RIMS2: variants seen among roughly 807,000 people sequenced by gnomAD.
RIMS2 encodes regulating synaptic membrane exocytosis protein 2.
RIMS2 carries 59 observed loss-of-function variants against 174.4 expected under a neutral mutation model. The observed-to-expected ratio is 0.34, with a 90% CI of 0.27 to 0.42. The LOEUF is 0.42. Ranked by LOEUF, RIMS2 falls within the 10% of genes least tolerant of loss-of-function variation. RIMS2 has a pLI of 1.00. For synonymous variants in RIMS2, 606 were observed against 572.5 expected, an observed-to-expected ratio of 1.06 and a Z score of -0.84; for missense variants, 1,620 against 1,666.3, an observed-to-expected ratio of 0.97 and a Z score of 0.48.
intron 1 of RIMS2, among the ~76,000 whole-genome samples, chr8:103,613,608 T>G (rs2095437737): frequency 6.6e-6 from 1 of 152,158 alleles, no homozygotes; most frequent in Admixed American, 6.5e-5. Flanking sequence ...TCCCTCTAAT[T>G]TTATCAAACA....
chr8:104,203,814 T>C (rs1287497642), intron 19 of RIMS2, among the ~76,000 whole-genome samples: 1 of 152,162 alleles, frequency 6.6e-6, no homozygotes, highest in Non-Finnish European at 1.5e-5. Context: ...TACTTTTTAT[T>C]TCTTTTAATT....
chr8:103,878,687 CT>C (rs1346278445), intron 3 of RIMS2, among the ~76,000 whole-genome samples: 1 of 150,422 alleles, frequency 6.6e-6, no homozygotes, highest in Non-Finnish European at 1.5e-5. Context: ...GTGAATTCAC[CT>C]GGTCTTGAGC....
intron 19 of RIMS2, chr8:104,015,549 G>A (rs917746636): frequency 5.2e-5 from 30 of 581,874 alleles, no homozygotes; most frequent in South Asian, 3.7e-4. Context: ...ATGTCCTTTC[G>A]TTGTGTAGAC....
chr8:104,195,650 G>T (rs2136632281), intron 19 of RIMS2, among the ~76,000 whole-genome samples: 1 of 151,988 alleles, frequency 6.6e-6, no homozygotes, highest in Non-Finnish European at 1.5e-5. Context: ...AAGTAGCTGG[G>T]ACTACAGGCA....
At chr8:103,702,421 A>G (rs2097177010) in intron 2 of RIMS2, among the ~76,000 whole-genome samples, 2 of 152,108 alleles carry the variant, frequency 1.3e-5, no homozygotes, top group Admixed American at 6.6e-5. Flanking sequence ...TTTGCTGAGC[A>G]TGATCTTTTA....
chr8:104,033,215 A>G (rs2096438383), intron 19 of RIMS2, among the ~76,000 whole-genome samples: 1 of 151,986 alleles, frequency 6.6e-6, no homozygotes, highest in African/African-American at 2.4e-5. Context: ...TCTTCAGTTC[A>G]TATCAGTTTA....
At chr8:103,616,894 C>T (rs1225227365) in intron 1 of RIMS2, among the ~76,000 whole-genome samples, 1 of 152,196 alleles carries the variant, frequency 6.6e-6, no homozygotes, top group Non-Finnish European at 1.5e-5. Context: ...AATGGAAAAA[C>T]ATCCCATGTT....
At chr8:103,994,917 T>TTA (rs886711445) in intron 17 of RIMS2, among the ~76,000 whole-genome samples, 1 of 151,886 alleles carries the variant, frequency 6.6e-6, no homozygotes, top group African/African-American at 2.4e-5. Context: ...TTGGATGATT[T>TTA]TATATATATA....
intron 14 of RIMS2, among the ~76,000 whole-genome samples, chr8:103,960,683 G>T (rs2089719977): frequency 6.6e-6 from 1 of 151,912 alleles, no homozygotes; most frequent in South Asian, 2.1e-4. Flanking sequence ...AAATTTATCT[G>T]GTCTTAAGTG....
At chr8:103,572,051 G>T (rs1323356184) in intron 1 of RIMS2, among the ~76,000 whole-genome samples, 4 of 152,176 alleles carry the variant, frequency 2.6e-5, no homozygotes. Flanking sequence ...CTCGCAGTGA[G>T]TGTTACAGAT....
chr8:104,152,465 G>C (rs2134154585), intron 19 of RIMS2, among the ~76,000 whole-genome samples: 1 of 151,958 alleles, frequency 6.6e-6, no homozygotes, highest in East Asian at 1.9e-4. Flanking sequence ...ACTTCCAATG[G>C]GTTTCTCAGT....
chr8:104,235,804 G>A (rs1156604219), intron 19 of RIMS2, among the ~76,000 whole-genome samples: 1 of 151,894 alleles, frequency 6.6e-6, no homozygotes, highest in Non-Finnish European at 1.5e-5. Context: ...AAAAATATAT[G>A]TAAGCATAAA....
intron 3 of RIMS2, among the ~76,000 whole-genome samples, chr8:103,804,715 G>A (rs557787414): frequency 6.6e-6 from 1 of 152,112 alleles, no homozygotes; most frequent in African/African-American, 2.4e-5. Flanking sequence ...ACCTGCAAAG[G>A]TGCTGTAGCC....
intron 3 of RIMS2, among the ~76,000 whole-genome samples, chr8:103,829,396 A>T (rs2098811938): frequency 6.6e-6 from 1 of 152,222 alleles, no homozygotes; most frequent in African/African-American, 2.4e-5. Flanking sequence ...TTGTTCTACC[A>T]TAAAGGCACC....
At chr8:104,069,995 A>T (rs971909494) in intron 19 of RIMS2, among the ~76,000 whole-genome samples, 2 of 152,228 alleles carry the variant, frequency 1.3e-5, no homozygotes, top group Admixed American at 1.3e-4. Flanking sequence ...CGTGTAATAG[A>T]GAAAAGCAAT....
chr8:103,775,202 A>G (rs898103709), intron 3 of RIMS2, among the ~76,000 whole-genome samples: 3 of 152,112 alleles, frequency 2.0e-5, no homozygotes, highest in East Asian at 3.9e-4. Context: ...AATCATGACC[A>G]TGATTGCCAT....
chr8:103,625,213 G>C (rs1263432539), intron 1 of RIMS2, among the ~76,000 whole-genome samples: 1 of 151,536 alleles, frequency 6.6e-6, no homozygotes, highest in African/African-American at 2.4e-5. Flanking sequence ...TAAGTTCTAG[G>C]GTACATGTGC....
At position 103,660,552 on chromosome 8, in the gene RIMS2, A is replaced by G. The variant is rs113894232; in HGVS notation, c.177-36534A>G. Among the ~76,000 whole-genome samples, 310 of 152,320 alleles carry G rather than the reference A, an allele frequency of 2.0e-3. 1 individual carries two copies. The highest frequency in any genetic ancestry group is 4.0e-3 in the Non-Finnish European group (274 of 68,034). On this transcript the variant is annotated intron_variant, in intron 1 of 23. Transcript: ENST00000504942. Reference sequence around the variant, plus strand: ...AGTGGGAATGAAATCAGGGGGCTGTATACTAGGGCCCGGAATAAACATGCT... The same window carrying G: ...AGTGGGAATGAAATCAGGGGGCTGTGTACTAGGGCCCGGAATAAACATGCT...
chr8:103,712,067 C>T (rs926302999), intron 2 of RIMS2, among the ~76,000 whole-genome samples: 10 of 151,836 alleles, frequency 6.6e-5, no homozygotes, highest in Admixed American at 6.6e-5. Flanking sequence ...TCACAGCTCA[C>T]TGGAGGCTTG....
Sources: allele counts gnomAD v4.1 joint callset (sites outside exome capture counted in the v4.1 genomes callset), GRCh38; gene constraint gnomAD v4.1.1; transcripts MANE v1.5; gene names NCBI Gene and HGNC (gene_info 2026-07-23, HGNC 2026-07-21).